Variants in GALNT9 observed in about 807,000 individuals in gnomAD.
GALNT9 encodes polypeptide N-acetylgalactosaminyltransferase 9.
A neutral mutation model predicts 63.1 loss-of-function variants in GALNT9; 47 were observed. That is an observed-to-expected ratio of 0.75 (90% confidence interval 0.59 to 0.95). The LOEUF is 0.95. Ranked by LOEUF, GALNT9 falls within the 40% of genes least tolerant of loss-of-function variation. GALNT9 has a pLI of 0.00. For missense variants in GALNT9, 829 were observed against 874.8 expected, an observed-to-expected ratio of 0.95 and a Z score of 0.66; for synonymous variants, 396 against 365.7, an observed-to-expected ratio of 1.08 and a Z score of -0.94.
In GALNT9 at chr12:132,296,966, C is replaced by T. The variant is rs1461341212; in HGVS notation, c.239-10536G>A. ...ACTCCTCAGATAACCAACACATTCC[C>T]GAAATAAACAACACACTCCCGAGAT... is the stretch of plus-strand genomic sequence containing the variant. On this transcript the variant is annotated intron_variant, in intron 1 of 10. Coordinates refer to ENST00000328957, the MANE Select transcript of GALNT9 (RefSeq NM_001122636.2). The surrounding 1 kb of genome is among the most constrained non-coding windows in gnomAD (Gnocchi z 4.2). Among the ~76,000 whole-genome samples, 3 of 152,100 alleles carry T rather than the reference C, an allele frequency of 2.0e-5. No homozygotes were observed. The highest frequency in any genetic ancestry group is 1.3e-4 in the Admixed American group (2 of 15,276).
At position 132,203,550 on chromosome 12, in the gene GALNT9, A is replaced by G; in HGVS notation, c.1218T>C (p.Asp406=). ...CCATGTACACGTGGGACTTGAAGTCATCCATCCACACCTCGGCGGCGCGCA... is the reference window on the plus strand; with the variant it reads ...CCATGTACACGTGGGACTTGAAGTCGTCCATCCACACCTCGGCGGCGCGCA... ...NALRAAEVWM[D]DFKSHVYMAW... The change falls in exon 7 of 11, where the codon GAT becomes GAC. Residue 406 remains aspartate (D), a synonymous_variant. Transcript: ENST00000328957. 2 of 1,613,984 alleles carry G rather than the reference A, an allele frequency of 1.2e-6. No individual in the cohort carries two copies. The highest frequency in any genetic ancestry group is 1.7e-6 in the Non-Finnish European group (2 of 1,179,854).
At chr12:132,301,802 G>A (rs1323608864) in intron 1 of GALNT9, among the ~76,000 whole-genome samples, 2 of 152,226 alleles carry the variant, frequency 1.3e-5, no homozygotes, top group Admixed American at 6.5e-5. Context: ...AGGGGGGCAC[G>A]GAACATTTGT....
chr12:132,267,853 T>C (rs536040769), intron 2 of GALNT9, among the ~76,000 whole-genome samples: 5 of 110,564 alleles, frequency 4.5e-5, no homozygotes, highest in East Asian at 5.5e-4. Flanking sequence ...ACAACCCACA[T>C]GCACACACAC....
intron 6 of GALNT9, among the ~76,000 whole-genome samples, chr12:132,220,218 C>T (rs1487037802): frequency 6.6e-6 from 1 of 152,182 alleles, no homozygotes; most frequent in Non-Finnish European, 1.5e-5. Context: ...ATGACTGTAC[C>T]ACAATACTCC....
Position 132,196,826 on chromosome 12 carries a change from G to A in GALNT9, c.*281C>T. Reference sequence around the variant, plus strand: ...GAGGCGGCGGCTGTCCCAGCAGCCTGGCCAGGAGATACCGTGGAGAAGGCA... The same window carrying A: ...GAGGCGGCGGCTGTCCCAGCAGCCTAGCCAGGAGATACCGTGGAGAAGGCA... On this transcript the variant is annotated 3_prime_UTR_variant, in exon 11 of 11. Transcript: ENST00000328957. 8.1e-7 allele frequency: 1 copy of A among 1,234,394 alleles called. No homozygotes were observed. Among genetic ancestry groups the A allele is most frequent in the Non-Finnish European group, 1.0e-6 (1 of 980,256 alleles). 76.5% of individuals were successfully genotyped at this position (1,234,394 alleles called of 1,614,324 possible).
rs186930949 is a variant in GALNT9 at position 132,303,381 on chromosome 12, C to T, written c.239-16951G>A. 2.0e-3 allele frequency among the ~76,000 whole-genome samples: 289 copies of T among 146,996 alleles called. 26 individuals carry two copies. Among genetic ancestry groups the T allele is most frequent in the African/African-American group, 7.2e-3 (268 of 37,248 alleles). On this transcript the variant is annotated intron_variant, in intron 1 of 10. Transcript: ENST00000328957. ...GAGAGATGAGAAGCAGCACCCTCTC[C>T]GGGGCACAGCCTCGCCCGGGCACAC... is the stretch of plus-strand genomic sequence containing the variant.
chr12:132,288,447 A>G (rs1328777873), intron 1 of GALNT9, among the ~76,000 whole-genome samples: 1 of 152,232 alleles, frequency 6.6e-6, no homozygotes, highest in Non-Finnish European at 1.5e-5. Flanking sequence ...TCGATACTGC[A>G]CTTGCATTTT....
At position 132,245,786 on chromosome 12, in the gene GALNT9, C is replaced by T. The variant is rs1303991998; in HGVS notation, c.1077+2124G>A. Reference sequence around the variant, plus strand: ...TCTCACTGCAGCTGGGTTTGGCCCACGGGAGCCGATTTTGTTTGGAGGGGA... The same window carrying T: ...TCTCACTGCAGCTGGGTTTGGCCCATGGGAGCCGATTTTGTTTGGAGGGGA... On this transcript the variant is annotated intron_variant, in intron 6 of 10. Transcript: ENST00000328957. This position sits in a 1 kb window ranked among gnomAD's most constrained non-coding sequence, Gnocchi z 6.3. Among the ~76,000 whole-genome samples, 5 of 152,224 alleles carry T rather than the reference C, an allele frequency of 3.3e-5. No individual in the cohort carries two copies. Among genetic ancestry groups the T allele is most frequent in the Admixed American group, 6.5e-5 (1 of 15,286 alleles).
chr12:132,268,019 G>GAACA (rs1416506115), intron 2 of GALNT9, among the ~76,000 whole-genome samples: 3 of 137,638 alleles, frequency 2.2e-5, no homozygotes, highest in African/African-American at 8.4e-5. Flanking sequence ...AGATACACAC[G>GAACA]AACACACATG....
intron 6 of GALNT9, among the ~76,000 whole-genome samples, chr12:132,215,865 G>A (rs1401437572): frequency 6.6e-6 from 1 of 152,110 alleles, no homozygotes; most frequent in East Asian, 1.9e-4. Flanking sequence ...GGGATGGAGA[G>A]GGGGTGAGGG....
chr12:132,273,130 T>G (rs1220965512), intron 2 of GALNT9: 1 of 152,258 alleles, frequency 6.6e-6, no homozygotes, highest in Non-Finnish European at 1.5e-5. Context: ...CTTTCTTTCT[T>G]CTTTATTTTT....
At chr12:132,287,924 G>A (rs1363856947) in intron 1 of GALNT9, among the ~76,000 whole-genome samples, 1 of 152,202 alleles carries the variant, frequency 6.6e-6, no homozygotes, top group African/African-American at 2.4e-5. Flanking sequence ...TTGGGGGCGG[G>A]TGCCTGGGCA....
chr12:132,302,560 C>G (rs1394121644), intron 1 of GALNT9, among the ~76,000 whole-genome samples: 7 of 152,236 alleles, frequency 4.6e-5, no homozygotes, highest in African/African-American at 1.7e-4. Context: ...CCAAGAGCTG[C>G]CTGGGTGGGG....
At chr12:132,322,811 T>C (rs974509710) in intron 1 of GALNT9, among the ~76,000 whole-genome samples, 2 of 152,200 alleles carry the variant, frequency 1.3e-5, no homozygotes, top group Admixed American at 1.3e-4. Context: ...TGGCACCTTT[T>C]AAACGACTGG....
chr12:132,316,145 G>A lies in GALNT9; in HGVS notation c.238+12821C>T, dbSNP rs558467586. Among the ~76,000 whole-genome samples, 784 of 152,174 alleles carry A rather than the reference G, an allele frequency of 5.2e-3. 5 individuals carry two copies. Among genetic ancestry groups the A allele is most frequent in the African/African-American group, 0.018 (756 of 41,518 alleles). ...GCAGGCAGAGGCAGGAGCTGGCCGC[G>A]GGCTGGGAGGCGACCCCACAGACCC... On this transcript the variant is annotated intron_variant, in intron 1 of 10. Transcript: ENST00000328957. The surrounding 1 kb of genome is among the most constrained non-coding windows in gnomAD (Gnocchi z 4.3).
At chr12:132,267,352 G>A (rs550074882) in intron 2 of GALNT9, among the ~76,000 whole-genome samples, 20 of 152,312 alleles carry the variant, frequency 1.3e-4, no homozygotes, top group African/African-American at 4.6e-4. Context: ...CCAGCCACTC[G>A]CTCCAGCACA....
At chr12:132,218,621 C>T (rs1877315338) in intron 6 of GALNT9, among the ~76,000 whole-genome samples, 1 of 152,206 alleles carries the variant, frequency 6.6e-6, no homozygotes. Flanking sequence ...ACACACATGC[C>T]TCGTTCTGCA....
At chr12:132,287,043 G>T (rs1370308148) in intron 1 of GALNT9, among the ~76,000 whole-genome samples, 1 of 139,586 alleles carries the variant, frequency 7.2e-6, no homozygotes, top group Non-Finnish European at 1.5e-5. Context: ...CACAGCAGGT[G>T]TGACACTGAG....
rs533235448 is a variant in GALNT9 at position 132,288,831 on chromosome 12, G to A, written c.239-2401C>T. Among the ~76,000 whole-genome samples, 14 of 146,336 alleles carry A rather than the reference G, an allele frequency of 9.6e-5. No individual in the cohort carries two copies. The East Asian group carries it at 2.2e-3, about 23-fold the overall frequency. On this transcript the variant is annotated intron_variant, in intron 1 of 10. Transcript: ENST00000328957. ...CAGGAGGGTGGCTGAGCGTGGTTTC[G>A]GACGGCTGCCCGATGCCCGGCGTTG...
Sources: allele counts gnomAD v4.1 joint callset (sites outside exome capture counted in the v4.1 genomes callset), GRCh38; gene constraint gnomAD v4.1.1; non-coding constraint Gnocchi (gnomAD v3.1); transcripts MANE v1.5; gene names NCBI Gene and HGNC (gene_info 2026-07-23, HGNC 2026-07-21).